The following HEBP2 variants were observed in gnomAD, a reference collection of about 807,000 sequenced individuals.
The protein encoded by HEBP2 is heme binding protein 2, also known as heme-binding protein 2.
HEBP2 carries 27 observed loss-of-function variants against 23.1 expected under a neutral mutation model. The observed-to-expected ratio is 1.17, with a 90% CI of 0.86 to 1.61. The LOEUF (loss-of-function observed/expected upper bound fraction) is 1.61, where lower values mean the gene tolerates loss of function less well. Ranked by LOEUF, HEBP2 falls within the 40% of genes most tolerant of loss-of-function variation. The pLI is 0.00. For synonymous variants in HEBP2, 99 were observed against 95.1 expected, an observed-to-expected ratio of 1.04 and a Z score of -0.24; for missense variants, 245 against 253.8, an observed-to-expected ratio of 0.97 and a Z score of 0.24.
In HEBP2 at chr6:138,405,229, C is replaced by T; in HGVS notation, c.187C>T (p.Gln63Ter). ...VESMDWDSAI[Q>*]TGFTKLNSYI... ...GTCTATGGACTGGGATTCAGCCATCCAGACGGGCTTTACGAAACTGAACAG... is the reference window on the plus strand; with the variant it reads ...GTCTATGGACTGGGATTCAGCCATCTAGACGGGCTTTACGAAACTGAACAG... Residue 63 changes from glutamine to a stop codon, truncating the protein, a stop_gained, in exon 2 of 4, where the codon CAG becomes TAG. Transcript: ENST00000607197. LOFTEE classifies it high-confidence loss of function. The T allele has an allele frequency of 6.2e-7, 1 of 1,614,194 alleles. No individual in the cohort carries two copies. The highest frequency in any genetic ancestry group is 8.5e-7 in the Non-Finnish European group (1 of 1,180,018).
Position 138,414,210 on chromosome 6 carries a change from G to C in HEBP2, c.*1132G>C, listed in dbSNP as rs1330242562. On this transcript the variant is annotated 3_prime_UTR_variant, in exon 4 of 4. Coordinates refer to ENST00000607197, the MANE Select transcript of HEBP2 (RefSeq NM_014320.3). ...CGTTCAGTACCCAGAACAAAAAGCT[G>C]CACACACTGCTTGCTGAGCAAGAGA... is the stretch of plus-strand genomic sequence containing the variant. The C allele has an allele frequency of 2.0e-5, 3 of 152,286 alleles. No individual in the cohort carries two copies. The highest frequency in any genetic ancestry group is 7.2e-5 in the African/African-American group (3 of 41,452). The allele number at this position is 152,286 out of a possible 1,614,324, so 9.4% of individuals were successfully genotyped here.
intron 3 of HEBP2, 85 bp from the exon 4 acceptor site, chr6:138,412,795 C>A: frequency 8.6e-7 from 1 of 1,157,106 alleles, no homozygotes; most frequent in South Asian, 1.3e-5. Flanking sequence ...TCAGCATTCA[C>A]GGTACTAGCG....
chr6:138,403,956 C>A (rs748697098), upstream of HEBP2, among the ~76,000 whole-genome samples: 3 of 152,128 alleles, frequency 2.0e-5, no homozygotes, highest in Non-Finnish European at 4.4e-5. Context: ...CCCAGGAGTG[C>A]GGGCAGGGGC....
At chr6:138,403,612 G>T, upstream of HEBP2, 1 of 456,388 alleles carries the variant, frequency 2.2e-6, no homozygotes, top group Non-Finnish European at 3.9e-6. Context: ...CCCCGCCGCA[G>T]GGGACAGTAA....
rs570264774 is a variant in HEBP2 at position 138,413,773 on chromosome 6, T to C, written c.*695T>C. 1.8e-4 allele frequency: 28 copies of C among 152,358 alleles called. No homozygotes were observed. In the East Asian group the frequency reaches 4.8e-3, roughly 26 times the overall value. The allele number at this position is 152,358 out of a possible 1,614,324, so 9.4% of individuals were successfully genotyped here. On this transcript the variant is annotated 3_prime_UTR_variant, in exon 4 of 4. Coordinates refer to ENST00000607197, the MANE Select transcript of HEBP2 (RefSeq NM_014320.3). ...AGTCCCTGCTATGTTCCAAGCACTCTGCTAAGGACTGGGAGGTGGTGGTAA... is the reference window on the plus strand; with the variant it reads ...AGTCCCTGCTATGTTCCAAGCACTCCGCTAAGGACTGGGAGGTGGTGGTAA...
upstream of HEBP2, chr6:138,403,554 G>C (rs1238504944): frequency 4.2e-6 from 2 of 477,526 alleles, no homozygotes; most frequent in South Asian, 7.0e-5. Context: ...CGGAGCTCTG[G>C]CTGCCCACGA....
At chr6:138,412,108 A>G (rs193007981) in intron 3 of HEBP2, 116 of 442,888 alleles carry the variant, frequency 2.6e-4, no homozygotes, top group Admixed American at 7.6e-4. Flanking sequence ...GCAATGTGCA[A>G]GTGAAAATCG....
At chr6:138,409,655 T>G (rs1375097099) in intron 3 of HEBP2, among the ~76,000 whole-genome samples, 1 of 152,228 alleles carries the variant, frequency 6.6e-6, no homozygotes, top group African/African-American at 2.4e-5. Flanking sequence ...AACTGTCATC[T>G]TTCTTACCAC....
In HEBP2 at chr6:138,409,705, C is replaced by CT. The variant is rs576470635; in HGVS notation, c.420-3174dup. Among the ~76,000 whole-genome samples, 654 of 152,326 alleles carry CT rather than the reference C, an allele frequency of 4.3e-3. 1 individual carries two copies. Among genetic ancestry groups the CT allele is most frequent in the Non-Finnish European group, 6.9e-3 (468 of 68,040 alleles). On this transcript the variant is annotated intron_variant, in intron 3 of 3. Coordinates refer to ENST00000607197, the MANE Select transcript of HEBP2 (RefSeq NM_014320.3). The stretch of plus-strand genomic sequence containing the variant: ...AAAATCTCCGTTGGATTCCTCTTGC[C>CT]TCCCCAGGGAAGCTCAGATTGTTCA...
Position 138,404,438 on chromosome 6 carries a change from G to T in HEBP2, c.-58G>T. On this transcript the variant is annotated 5_prime_UTR_variant, in exon 1 of 4. Coordinates refer to ENST00000607197, the MANE Select transcript of HEBP2 (RefSeq NM_014320.3). ...GGGGCGCGCACACGCAGGCGGGGCG[G>T]CCCGGGGTGCGGGGCCTCTGCGCGG... is the stretch of plus-strand genomic sequence containing the variant. The T allele has an allele frequency of 8.8e-7, 1 of 1,133,980 alleles. No individual in the cohort carries two copies. Among genetic ancestry groups the T allele is most frequent in the Non-Finnish European group, 1.1e-6 (1 of 903,916 alleles). The allele number at this position is 1,133,980 out of a possible 1,614,324, so 70.2% of individuals were successfully genotyped here.
upstream of HEBP2, chr6:138,404,114 C>T: frequency 4.6e-6 from 1 of 219,014 alleles, no homozygotes; most frequent in East Asian, 9.9e-5. Context: ...GAAACAGCGC[C>T]ACCCCCTACT....
At position 138,407,535 on chromosome 6, in the gene HEBP2, C is replaced by G. The variant is rs1774669810; in HGVS notation, c.419+1384C>G. On this transcript the variant is annotated intron_variant, in intron 3 of 3. Transcript: ENST00000607197. ...CTGGCCATGGCTTTGGATGGCCCAACCCCACTGCAGCTCTCACAGTTGGAG... is the reference window on the plus strand; with the variant it reads ...CTGGCCATGGCTTTGGATGGCCCAAGCCCACTGCAGCTCTCACAGTTGGAG... Among the ~76,000 whole-genome samples the G allele has an allele frequency of 2.6e-5, 4 of 152,276 alleles. No individual in the cohort carries two copies. In the South Asian group the frequency reaches 8.3e-4, roughly 31 times the overall value.
At chr6:138,405,324 C>T (rs1221049391) in intron 2 of HEBP2, 44 bp downstream of exon 2, 2 of 1,606,218 alleles carry the variant, frequency 1.2e-6, no homozygotes, top group African/African-American at 1.3e-5. Flanking sequence ...GTGAAAGAGT[C>T]CCCGGGCTTA....
At chr6:138,409,094 A>C (rs1774701152) in intron 3 of HEBP2, among the ~76,000 whole-genome samples, 1 of 151,606 alleles carries the variant, frequency 6.6e-6, no homozygotes, top group Non-Finnish European at 1.5e-5. Context: ...TGGCATGATC[A>C]TAGCTCACTG....
chr6:138,404,409 C>T lies in HEBP2; in HGVS notation c.-87C>T, dbSNP rs1372821600. ...TCTGCGGAGCGGGGACTCGGGGCCTCGGCGGGGCGCGCACACGCAGGCGGG... is the reference window on the plus strand; with the variant it reads ...TCTGCGGAGCGGGGACTCGGGGCCTTGGCGGGGCGCGCACACGCAGGCGGG... On this transcript the variant is annotated 5_prime_UTR_variant, in exon 1 of 4. Transcript: ENST00000607197. 42 of 930,570 alleles carry T rather than the reference C, an allele frequency of 4.5e-5. No homozygotes were observed. The highest frequency in any genetic ancestry group is 5.7e-5 in the Non-Finnish European group (41 of 722,698). The allele number at this position is 930,570 out of a possible 1,614,324, so 57.6% of individuals were successfully genotyped here. A position where few individuals can be genotyped will look rare whatever the true frequency, so the allele number is the denominator to read the frequency against.
intron 2 of HEBP2, 104 bp from the exon 3 acceptor site, chr6:138,405,867 T>C (rs1275462534): frequency 1.1e-6 from 1 of 931,574 alleles, no homozygotes; most frequent in Non-Finnish European, 1.6e-6. Context: ...GGTAAATATG[T>C]CAACAATGTG....
chr6:138,412,192 C>T (rs1774758273), intron 3 of HEBP2: 1 of 366,844 alleles, frequency 2.7e-6, no homozygotes, highest in African/African-American at 2.2e-5. Flanking sequence ...GATGTGGGAG[C>T]TCGGAGGAAA....
chr6:138,411,568 T>C (rs1242165293), intron 3 of HEBP2, among the ~76,000 whole-genome samples: 2 of 152,176 alleles, frequency 1.3e-5, no homozygotes, highest in Non-Finnish European at 2.9e-5. Context: ...AGCAAAACCA[T>C]CCTCCATTCA....
chr6:138,413,295 T>G lies in HEBP2; in HGVS notation c.*217T>G. The G allele has an allele frequency of 2.2e-6, 1 of 457,500 alleles. No homozygotes were observed. The allele number at this position is 457,500 out of a possible 1,614,324, so 28.3% of individuals were successfully genotyped here. On this transcript the variant is annotated 3_prime_UTR_variant, in exon 4 of 4. Transcript: ENST00000607197. ...TGTAAACATATAAATCGGTCATAAC[T>G]ATCGTGGTCTTTATTTCTGTGAGGA...
Sources: allele counts gnomAD v4.1 joint callset (sites outside exome capture counted in the v4.1 genomes callset), GRCh38; gene constraint gnomAD v4.1.1; transcripts MANE v1.5; gene names NCBI Gene and HGNC (gene_info 2026-07-23, HGNC 2026-07-21).